Variants in ITSN1 observed in about 807,000 individuals in gnomAD.
ITSN1 encodes intersectin 1, also known as intersectin-1.
ITSN1 carries 58 observed loss-of-function variants against 239.8 expected under a neutral mutation model. The observed-to-expected ratio is 0.24, with a 90% confidence interval of 0.20 to 0.30. The LOEUF (loss-of-function observed/expected upper bound fraction) is 0.30. Ranked by LOEUF, ITSN1 falls within the 10% of genes least tolerant of loss-of-function variation. ITSN1 has a pLI of 1.00. For synonymous variants in ITSN1, 780 were observed against 770.8 expected, an observed-to-expected ratio of 1.01 and a Z score of -0.20; for missense variants, 1,558 against 2,103.3, an observed-to-expected ratio of 0.74 and a Z score of 5.07.
At chr21:33,711,290 C>T (rs975717817) in intron 1 of ITSN1, among the ~76,000 whole-genome samples, 4 of 151,338 alleles carry the variant, frequency 2.6e-5, no homozygotes, top group Non-Finnish European at 5.9e-5. Context: ...TTTTTTCTCT[C>T]TGTATCTAGC....
chr21:33,695,029 G>C (rs758719283), intron 1 of ITSN1, among the ~76,000 whole-genome samples: 1 of 151,996 alleles, frequency 6.6e-6, no homozygotes, highest in Non-Finnish European at 1.5e-5. Flanking sequence ...TTTCCCAGCT[G>C]GTCTCAGACT....
intron 5 of ITSN1, among the ~76,000 whole-genome samples, chr21:33,738,384 A>G (rs2066630711): frequency 1.3e-5 from 2 of 152,130 alleles, no homozygotes; most frequent in Admixed American, 1.3e-4. Context: ...AACAAAGGAG[A>G]TAGAACCTGT....
At chr21:33,765,765 A>G in intron 9 of ITSN1, 110 bp from the exon 10 acceptor site, 1 of 1,060,432 alleles carries the variant, frequency 9.4e-7, no homozygotes, top group East Asian at 2.4e-5. Context: ...GGACAAAGAG[A>G]CTCAGTTGGC....
rs2148590365 is a variant in ITSN1 at position 33,894,997 on chromosome 21, T to A, written c.*6697T>A. ...CTCTTGTGTAGATCGCAGAAGGAGT[T>A]ATTGGTGATGTGGGGTGTAGGGGAA... On this transcript the variant is annotated 3_prime_UTR_variant, in exon 40 of 40. Coordinates refer to ENST00000381318, the MANE Select transcript of ITSN1 (RefSeq NM_003024.3). 3 of 78,036 alleles carry A rather than the reference T, an allele frequency of 3.8e-5. No homozygotes were observed. The Admixed American group carries it at 4.1e-4, about 11-fold the overall frequency. The allele number at this position is 78,036 out of a possible 1,614,324, so 4.8% of individuals were successfully genotyped here.
intron 20 of ITSN1, among the ~76,000 whole-genome samples, chr21:33,807,464 A>G (rs1475518019): frequency 6.6e-6 from 1 of 152,150 alleles, no homozygotes; most frequent in Non-Finnish European, 1.5e-5. Flanking sequence ...CAGCCTCCCA[A>G]GTAGCTGGAA....
Position 33,886,333 on chromosome 21 carries a change from C to T in ITSN1, c.4890C>T (p.His1630=). The T allele has an allele frequency of 1.9e-6, 3 of 1,614,080 alleles. No individual in the cohort carries two copies. The highest frequency in any genetic ancestry group is 2.5e-6 in the Non-Finnish European group (3 of 1,179,996). ...AGGTGACCATGGGTTCCCAGTGCCA[C>T]ATCACCAAGACGATCCAGGACACTC... The part of the protein sequence containing the change: ...YCEVTMGSQC[H]ITKTIQDTLN... Residue 1630 remains histidine (H), a synonymous_variant, in exon 39 of 40, where the codon CAC becomes CAT. Transcript: ENST00000381318.
chr21:33,850,409 C>T (rs2075122007), intron 29 of ITSN1, among the ~76,000 whole-genome samples: 2 of 152,198 alleles, frequency 1.3e-5, no homozygotes, highest in Non-Finnish European at 2.9e-5. Flanking sequence ...ACCTCTGTGC[C>T]CACCGGCTTC....
chr21:33,661,839 C>T (rs1007815692), intron 1 of ITSN1, among the ~76,000 whole-genome samples: 7 of 151,942 alleles, frequency 4.6e-5, no homozygotes, highest in African/African-American at 1.7e-4. Flanking sequence ...TACCTTTTGC[C>T]TTCCACCATG....
chr21:33,690,375 G>C (rs1290078719), intron 1 of ITSN1, among the ~76,000 whole-genome samples: 2 of 151,870 alleles, frequency 1.3e-5, no homozygotes, highest in East Asian at 3.9e-4. Context: ...TGAGGCAGGA[G>C]GATCACGAGG....
intron 1 of ITSN1, among the ~76,000 whole-genome samples, chr21:33,659,970 A>G (rs2089428762): frequency 6.6e-6 from 1 of 151,804 alleles, no homozygotes; most frequent in Admixed American, 6.6e-5. Flanking sequence ...CAGCCTCCCA[A>G]AGTGCTGGGA....
chr21:33,816,413 G>T (rs1184696557), intron 22 of ITSN1, among the ~76,000 whole-genome samples: 1 of 152,102 alleles, frequency 6.6e-6, no homozygotes, highest in Non-Finnish European at 1.5e-5. Context: ...ATTACCATGG[G>T]ATTGCTAAAC....
At chr21:33,654,745 A>G (rs2088886467) in intron 1 of ITSN1, among the ~76,000 whole-genome samples, 1 of 152,206 alleles carries the variant, frequency 6.6e-6, no homozygotes, top group East Asian at 1.9e-4. Context: ...ATAAGCAGTT[A>G]TGTTCTGCTG....
chr21:33,709,372 C>T (rs1329352837), intron 1 of ITSN1, among the ~76,000 whole-genome samples: 2 of 152,168 alleles, frequency 1.3e-5, no homozygotes, highest in South Asian at 2.1e-4. Flanking sequence ...CGGAGTTTCA[C>T]TCTTGTTGCC....
intron 29 of ITSN1, among the ~76,000 whole-genome samples, chr21:33,842,849 T>C (rs1007848529): frequency 6.6e-6 from 1 of 152,096 alleles, no homozygotes; most frequent in East Asian, 1.9e-4. Context: ...GATCTGCCAG[T>C]TTTCATCAAG....
intron 33 of ITSN1, among the ~76,000 whole-genome samples, chr21:33,872,499 A>C (rs1982923171): frequency 6.6e-6 from 1 of 152,202 alleles, no homozygotes; most frequent in Non-Finnish European, 1.5e-5. Flanking sequence ...TAGTTTTTGT[A>C]AAATGGTAGT....
At chr21:33,745,398 G>A (rs1033266081) in intron 5 of ITSN1, among the ~76,000 whole-genome samples, 4 of 152,148 alleles carry the variant, frequency 2.6e-5, no homozygotes, top group Non-Finnish European at 5.9e-5. Flanking sequence ...TGAGATTTCC[G>A]ACCATGCCTG....
chr21:33,713,654 G>A (rs1300332241), intron 1 of ITSN1, among the ~76,000 whole-genome samples: 3 of 151,992 alleles, frequency 2.0e-5, no homozygotes, highest in Non-Finnish European at 4.4e-5. Flanking sequence ...TCATCTCCAT[G>A]GTCTGTCCAG....
At chr21:33,684,874 TTTG>T (rs375689387) in intron 1 of ITSN1, among the ~76,000 whole-genome samples, 34 of 152,352 alleles carry the variant, frequency 2.2e-4, no homozygotes, top group African/African-American at 7.0e-4. Flanking sequence ...TTGTGAATTC[TTTG>T]TTAAGTAACT....
chr21:33,719,347 A>G (rs1009028613), intron 2 of ITSN1, among the ~76,000 whole-genome samples: 10 of 152,192 alleles, frequency 6.6e-5, no homozygotes, highest in Admixed American at 2.0e-4. Context: ...AGGCTGAGGC[A>G]GGAGAATGAC....
Sources: gnomAD v4.1 joint callset for allele counts (sites outside exome capture counted in the v4.1 genomes callset) on GRCh38, gnomAD v4.1.1 for gene constraint, MANE v1.5 for transcripts, NCBI Gene and HGNC (gene_info 2026-07-23, HGNC 2026-07-21) for gene names.